CCDC171: variants seen among roughly 807,000 people sequenced by gnomAD.
CCDC171 encodes the protein coiled-coil domain-containing protein 171.
Under a neutral mutation model 168.2 loss-of-function variants are expected in CCDC171, and 177 were observed. That is an observed-to-expected ratio of 1.05 (90% CI 0.93 to 1.19). The LOEUF (loss-of-function observed/expected upper bound fraction) is 1.19, where lower values mean the gene tolerates loss of function less well. Ranked by LOEUF, CCDC171 falls within the 50% of genes most tolerant of loss-of-function variation. CCDC171 has a pLI of 0.00. For missense variants in CCDC171, 1,991 were observed against 1,539.0 expected, an observed-to-expected ratio of 1.29 and a Z score of -4.91; for synonymous variants, 687 against 540.8, an observed-to-expected ratio of 1.27 and a Z score of -3.75.
At chr9:15,913,158 G>T (rs746332322) in intron 24 of CCDC171, among the ~76,000 whole-genome samples, 1 of 152,130 alleles carries the variant, frequency 6.6e-6, no homozygotes, top group East Asian at 1.9e-4. Context: ...CTGTGAATCC[G>T]TTTGGTCCTG....
intron 21 of CCDC171, among the ~76,000 whole-genome samples, chr9:15,809,374 TCTCA>T (rs2059227019): frequency 6.6e-6 from 1 of 152,214 alleles, no homozygotes; most frequent in Non-Finnish European, 1.5e-5. Context: ...AATTCCTCAG[TCTCA>T]CTGTGTCTGA....
At chr9:15,918,382 A>G (rs1401320799) in intron 24 of CCDC171, among the ~76,000 whole-genome samples, 1 of 150,476 alleles carries the variant, frequency 6.6e-6, no homozygotes. Context: ...CAGAGGGATT[A>G]TGTGGCATTT....
intron 6 of CCDC171, among the ~76,000 whole-genome samples, chr9:15,618,900 C>G (rs1170944251): frequency 6.6e-6 from 1 of 151,864 alleles, no homozygotes; most frequent in Admixed American, 6.6e-5. Flanking sequence ...AGAAATCACC[C>G]ACCTTCTGCG....
chr9:15,604,678 C>G (rs910507174), intron 6 of CCDC171, among the ~76,000 whole-genome samples: 1 of 151,988 alleles, frequency 6.6e-6, no homozygotes, highest in Admixed American at 6.6e-5. Context: ...AGTTATCAGA[C>G]CACCCTTAGT....
chr9:16,010,776 C>G (rs916817819), intron 3 of CCDC171, among the ~76,000 whole-genome samples: 1 of 150,228 alleles, frequency 6.7e-6, no homozygotes, highest in Non-Finnish European at 1.5e-5. Context: ...ACCTCTGGAG[C>G]ATGGAATGCT....
chr9:15,662,920 G>A (rs959292254), intron 8 of CCDC171, among the ~76,000 whole-genome samples: 3 of 152,184 alleles, frequency 2.0e-5, no homozygotes, highest in Admixed American at 6.5e-5. Flanking sequence ...GGCGGAGGTT[G>A]CAGTGAGCTG....
At chr9:15,561,119 C>T (rs1040917833) in intron 1 of CCDC171, among the ~76,000 whole-genome samples, 10 of 152,146 alleles carry the variant, frequency 6.6e-5, no homozygotes, top group Non-Finnish European at 1.5e-4. Flanking sequence ...ATCTTGGAAC[C>T]TCCTCCGTGA....
intron 3 of CCDC171, among the ~76,000 whole-genome samples, chr9:15,575,785 T>G (rs920835955): frequency 2.0e-5 from 3 of 152,184 alleles, no homozygotes; most frequent in African/African-American, 4.8e-5. Context: ...CAGATACATA[T>G]CACATTTTAG....
intron 10 of CCDC171, among the ~76,000 whole-genome samples, chr9:15,689,608 G>C (rs1447040920): frequency 6.6e-6 from 1 of 152,186 alleles, no homozygotes; most frequent in Non-Finnish European, 1.5e-5. Flanking sequence ...CTATTCAGGA[G>C]GCTGAGGCAT....
chr9:15,786,795 C>T (rs1463019192), intron 21 of CCDC171, among the ~76,000 whole-genome samples: 1 of 152,114 alleles, frequency 6.6e-6, no homozygotes, highest in Non-Finnish European at 1.5e-5. Context: ...ATCAATCAAC[C>T]TTATGACATT....
rs542958458 is a variant in CCDC171 at position 16,009,640 on chromosome 9, T to C, written n.369-10949T>C. ...TCCTACCAAAGCAGAAAGAACCACA[T>C]ACATCAATAGTCAAATTGGTAGAAA... On this transcript the variant is annotated intron_variant and non_coding_transcript_variant, in intron 3 of 9. Coordinates refer to the CCDC171 transcript ENST00000486641. 4.6e-5 allele frequency among the ~76,000 whole-genome samples: 7 copies of C among 152,308 alleles called. No homozygotes were observed. In the East Asian group the frequency reaches 1.3e-3, roughly 29 times the overall value.
chr9:15,655,380 C>T (rs956809004), intron 7 of CCDC171, among the ~76,000 whole-genome samples: 2 of 152,046 alleles, frequency 1.3e-5, no homozygotes, highest in Admixed American at 6.6e-5. Flanking sequence ...CTGGATGTTC[C>T]CATAGTTCTG....
intron 21 of CCDC171, among the ~76,000 whole-genome samples, chr9:15,824,620 A>C (rs1175316208): frequency 6.6e-6 from 1 of 152,122 alleles, no homozygotes; most frequent in Non-Finnish European, 1.5e-5. Flanking sequence ...TAGTTAAAAA[A>C]CATCTTTTAT....
chr9:15,905,945 C>T (rs1203413731), intron 24 of CCDC171, among the ~76,000 whole-genome samples: 1 of 152,172 alleles, frequency 6.6e-6, no homozygotes, highest in Non-Finnish European at 1.5e-5. Context: ...AATTCCTGGA[C>T]ACATACACCC....
chr9:15,777,962 T>C (rs1350001590), intron 19 of CCDC171, 136 bp downstream of exon 19: 1 of 596,348 alleles, frequency 1.7e-6, no homozygotes, highest in East Asian at 3.0e-5. Flanking sequence ...AAAATTTTAA[T>C]ACACTAAATT....
At chr9:15,661,375 T>A (rs1204060827) in intron 8 of CCDC171, among the ~76,000 whole-genome samples, 1 of 151,954 alleles carries the variant, frequency 6.6e-6, no homozygotes, top group Non-Finnish European at 1.5e-5. Flanking sequence ...ATTTCAAAAT[T>A]AGGTTTTTCA....
chr9:15,997,009 G>T (rs1832395430), intron 3 of CCDC171, among the ~76,000 whole-genome samples: 1 of 152,086 alleles, frequency 6.6e-6, no homozygotes, highest in Non-Finnish European at 1.5e-5. Context: ...GTGTCAGTTT[G>T]GGTCATTTGG....
chr9:15,829,259 TGGGAA>T (rs1454695660), intron 21 of CCDC171, among the ~76,000 whole-genome samples: 3 of 152,110 alleles, frequency 2.0e-5, no homozygotes, highest in Admixed American at 2.0e-4. Flanking sequence ...GATGTGTGGA[TGGGAA>T]GGGAAAGTAG....
At chr9:15,810,710 C>T (rs191834141) in intron 21 of CCDC171, among the ~76,000 whole-genome samples, 30 of 152,326 alleles carry the variant, frequency 2.0e-4, no homozygotes, top group South Asian at 1.0e-3. Context: ...CGGGGCCTGC[C>T]GAGCCCACGC....
Sources: allele counts gnomAD v4.1 joint callset (sites outside exome capture counted in the v4.1 genomes callset), GRCh38; gene constraint gnomAD v4.1.1; transcripts MANE v1.5; gene names NCBI Gene and HGNC (gene_info 2026-07-23, HGNC 2026-07-21).